The following KLHL1 variants were observed in gnomAD, a reference collection of about 807,000 sequenced individuals.
KLHL1 encodes the protein kelch-like protein 1.
In KLHL1, 47 loss-of-function variants were observed where a neutral mutation model predicts 77.7. That is an observed-to-expected ratio of 0.60 (90% CI 0.48 to 0.77). The LOEUF (loss-of-function observed/expected upper bound fraction) is 0.77. KLHL1 is among the 30% of genes least tolerant of loss of function. KLHL1 has a pLI of 0.00. For missense variants in KLHL1, 925 were observed against 910.8 expected (o/e 1.02, Z -0.20); for synonymous variants, 360 against 325.2 (o/e 1.11, Z -1.15).
intron 1 of KLHL1, among the ~76,000 whole-genome samples, chr13:70,101,666 C>G (rs972795334): frequency 6.6e-6 from 1 of 151,836 alleles, no homozygotes. Flanking sequence ...TGACCTCAGG[C>G]GATCCACCCA....
intron 1 of KLHL1, among the ~76,000 whole-genome samples, chr13:70,048,235 G>A (rs1193053775): frequency 6.6e-6 from 1 of 152,146 alleles, no homozygotes; most frequent in Non-Finnish European, 1.5e-5. Context: ...AATCCTGAAC[G>A]TGGTTCTGTG....
At chr13:69,840,159 G>T (rs981783653) in intron 5 of KLHL1, among the ~76,000 whole-genome samples, 1 of 152,000 alleles carries the variant, frequency 6.6e-6, no homozygotes, top group African/African-American at 2.4e-5. Context: ...ATTAAAATGT[G>T]TAAGCCTACC....
chr13:69,860,305 T>G (rs1433472211), intron 5 of KLHL1, among the ~76,000 whole-genome samples: 3 of 152,036 alleles, frequency 2.0e-5, no homozygotes, highest in Non-Finnish European at 2.9e-5. Flanking sequence ...CAAACAAGTA[T>G]GAGCATGACA....
chr13:69,876,279 A>T (rs1023426850), intron 5 of KLHL1, among the ~76,000 whole-genome samples: 1 of 152,100 alleles, frequency 6.6e-6, no homozygotes, highest in African/African-American at 2.4e-5. Context: ...TATAAATCAG[A>T]TGTTTTAGTT....
At chr13:69,791,807 ATGTT>A (rs1407649804) in intron 7 of KLHL1, among the ~76,000 whole-genome samples, 1 of 152,152 alleles carries the variant, frequency 6.6e-6, no homozygotes, top group African/African-American at 2.4e-5. Flanking sequence ...AAGACCTTAA[ATGTT>A]TGAAATCTAA....
At chr13:69,980,666 C>T (rs374597477) in intron 1 of KLHL1, among the ~76,000 whole-genome samples, 1 of 151,838 alleles carries the variant, frequency 6.6e-6, no homozygotes, top group Non-Finnish European at 1.5e-5. Flanking sequence ...TTTTTTTCAG[C>T]GAATTGTTTT....
At chr13:69,925,600 C>T (rs1008320435) in intron 4 of KLHL1, among the ~76,000 whole-genome samples, 1 of 152,016 alleles carries the variant, frequency 6.6e-6, no homozygotes, top group African/African-American at 2.4e-5. Flanking sequence ...GTATGATTCA[C>T]CATATCTATC....
At chr13:69,796,133 T>C (rs1877094631) in intron 7 of KLHL1, among the ~76,000 whole-genome samples, 4 of 152,208 alleles carry the variant, frequency 2.6e-5, no homozygotes, top group Admixed American at 2.0e-4. Context: ...TAGAGAACTT[T>C]AATATGTATC....
intron 10 of KLHL1, among the ~76,000 whole-genome samples, chr13:69,702,553 GAAAT>G (rs909865431): frequency 3.3e-5 from 5 of 151,530 alleles, no homozygotes; most frequent in African/African-American, 1.2e-4. Flanking sequence ...TAAAATGTAA[GAAAT>G]AAAATAGCTG....
chr13:70,046,387 A>G (rs953276449), intron 1 of KLHL1, among the ~76,000 whole-genome samples: 6 of 152,314 alleles, frequency 3.9e-5, no homozygotes, highest in African/African-American at 1.4e-4. Flanking sequence ...CAGAAGATCA[A>G]TCAAAGGCTA....
intron 3 of KLHL1, among the ~76,000 whole-genome samples, chr13:69,957,971 G>A (rs1883946665): frequency 6.6e-6 from 1 of 151,628 alleles, no homozygotes; most frequent in South Asian, 2.1e-4. Context: ...CTGAACTTAT[G>A]TTGTCGTTTA....
chr13:70,082,797 A>G (rs187259450), intron 1 of KLHL1, among the ~76,000 whole-genome samples: 87 of 152,264 alleles, frequency 5.7e-4, no homozygotes, highest in Non-Finnish European at 1.0e-3. Flanking sequence ...GCTATAAAAA[A>G]AGAAGAGTGG....
intron 1 of KLHL1, among the ~76,000 whole-genome samples, chr13:70,001,581 G>GTCTGTCTATCTA (rs150381015): frequency 2.2e-4 from 33 of 146,734 alleles, no homozygotes; most frequent in South Asian, 8.7e-4. Flanking sequence ...TGATCTATGT[G>GTCTGTCTATCTA]TCTATCTATC....
chr13:70,029,885 A>G (rs1323923743), intron 1 of KLHL1, among the ~76,000 whole-genome samples: 1 of 152,196 alleles, frequency 6.6e-6, no homozygotes, highest in African/African-American at 2.4e-5. Context: ...CGTAGGCTCA[A>G]AATAAAAGGA....
intron 1 of KLHL1, among the ~76,000 whole-genome samples, chr13:70,075,586 T>C (rs1179531163): frequency 1.4e-4 from 16 of 111,780 alleles, no homozygotes; most frequent in Admixed American, 3.1e-4. Flanking sequence ...TATATATATA[T>C]ATACACACAC....
chr13:70,068,440 T>A (rs991176701), intron 1 of KLHL1, among the ~76,000 whole-genome samples: 3 of 152,254 alleles, frequency 2.0e-5, no homozygotes, highest in Non-Finnish European at 4.4e-5. Context: ...TATTAGGACC[T>A]GTATACAATT....
At chr13:69,962,106 A>T (rs1237632949) in intron 2 of KLHL1, among the ~76,000 whole-genome samples, 1 of 152,044 alleles carries the variant, frequency 6.6e-6, no homozygotes, top group Non-Finnish European at 1.5e-5. Context: ...ATCTAAAAGT[A>T]TAAAATATCT....
Position 69,839,680 on chromosome 13 carries a change from GA to G in KLHL1, c.1228-519del, listed in dbSNP as rs1247885979. ...CATAACATCTCTTTAATTATATAAGGAATTTAAAAGTTGTGTATTAGGCAAA... is the reference window on the plus strand; with the variant it reads ...CATAACATCTCTTTAATTATATAAGGATTTAAAAGTTGTGTATTAGGCAAA... On this transcript the variant is annotated intron_variant, in intron 5 of 10. Coordinates refer to ENST00000377844, the MANE Select transcript of KLHL1 (RefSeq NM_020866.3). Among the ~76,000 whole-genome samples the G allele has an allele frequency of 5.3e-5, 8 of 151,838 alleles. No individual in the cohort carries two copies. The East Asian group carries it at 1.4e-3, about 26-fold the overall frequency.
chr13:69,885,768 G>A (rs369856496), intron 4 of KLHL1, among the ~76,000 whole-genome samples: 3 of 152,074 alleles, frequency 2.0e-5, no homozygotes, highest in East Asian at 1.9e-4. Flanking sequence ...GATAATCATC[G>A]TGAGGACAAA....
Sources: allele counts gnomAD v4.1 joint callset (sites outside exome capture counted in the v4.1 genomes callset), GRCh38; gene constraint gnomAD v4.1.1; transcripts MANE v1.5; gene names NCBI Gene and HGNC (gene_info 2026-07-23, HGNC 2026-07-21).